The following SYNJ2 variants were observed in gnomAD, a reference collection of about 807,000 sequenced individuals.
SYNJ2 encodes the protein polyphosphatidylinositol phosphatase SYNJ2.
A neutral mutation model predicts 141.3 loss-of-function variants in SYNJ2; 116 were observed. The ratio of observed to expected loss-of-function variants is 0.82; its 90% confidence interval spans 0.71 to 0.96. The LOEUF is 0.96. SYNJ2 is among the 40% of genes least tolerant of loss of function. The pLI is 0.00. For synonymous variants in SYNJ2, 745 were observed against 777.7 expected, an observed-to-expected ratio of 0.96 and a Z score of 0.70; for missense variants, 1,873 against 1,934.8, an observed-to-expected ratio of 0.97 and a Z score of 0.60.
chr6:158,054,399 G>C (rs1236566949), intron 5 of SYNJ2, among the ~76,000 whole-genome samples: 1 of 152,178 alleles, frequency 6.6e-6, no homozygotes, highest in Non-Finnish European at 1.5e-5. Flanking sequence ...CATACAGTTT[G>C]ATGTTCAGAT....
intron 8 of SYNJ2, among the ~76,000 whole-genome samples, chr6:158,063,072 C>T (rs1781323451): frequency 6.6e-6 from 1 of 152,080 alleles, no homozygotes. Context: ...TATATGGAAA[C>T]ATACATAAAA....
In SYNJ2 at chr6:158,046,553, C is replaced by T. The variant is rs549753654; in HGVS notation, c.795+3154C>T. Among the ~76,000 whole-genome samples the T allele has an allele frequency of 4.6e-5, 7 of 152,234 alleles. No homozygotes were observed. The East Asian group carries it at 1.2e-3, about 25-fold the overall frequency. ...CAAAGATTTTGGGGTGAGTAGCTTG[C>T]GTATTAAGCTGCAATGCTGTCCCTC... On this transcript the variant is annotated intron_variant, in intron 5 of 26. Coordinates refer to ENST00000355585, the MANE Select transcript of SYNJ2 (RefSeq NM_003898.4).
intron 26 of SYNJ2, chr6:158,093,904 G>A (rs768860844): frequency 3.9e-6 from 3 of 764,616 alleles, no homozygotes; most frequent in African/African-American, 1.7e-5. Flanking sequence ...TTTTGCTCTC[G>A]CTCTCAAGCT....
At position 158,097,525 on chromosome 6, in the gene SYNJ2, A is replaced by G. The variant is rs1453852987; in HGVS notation, c.*1161A>G. On this transcript the variant is annotated 3_prime_UTR_variant, in exon 27 of 27. Coordinates refer to ENST00000355585, the MANE Select transcript of SYNJ2 (RefSeq NM_003898.4). ...GCAGATACCGTGTTTTCGCTATTTAATAAGAAGTTCAGTAGTGAAATCTTA... is the reference window on the plus strand; with the variant it reads ...GCAGATACCGTGTTTTCGCTATTTAGTAAGAAGTTCAGTAGTGAAATCTTA... 2.0e-5 allele frequency: 3 copies of G among 152,248 alleles called. No homozygotes were observed. The highest frequency in any genetic ancestry group is 7.2e-5 in the African/African-American group (3 of 41,454). The allele number at this position is 152,248 out of a possible 1,614,324, so 9.4% of individuals were successfully genotyped here. A position where few individuals can be genotyped will look rare whatever the true frequency, so the allele number is the denominator to read the frequency against.
In SYNJ2 at chr6:158,063,677, A is replaced by AC. The variant is rs1395104987; in HGVS notation, c.1128-114_1128-113insC. On this transcript the variant is annotated intron_variant, in intron 8 of 26. Coordinates refer to ENST00000355585, the MANE Select transcript of SYNJ2 (RefSeq NM_003898.4). ...TCTGTCTCAAAAAAAAAAAAAAAAA[A>AC]AAAAAAAAAACCATGTTTCCTTGGG... 7 of 637,984 alleles carry AC rather than the reference A, an allele frequency of 1.1e-5. No individual in the cohort carries two copies. The East Asian group carries it at 2.6e-4, about 23-fold the overall frequency. 39.5% of individuals were successfully genotyped at this position (637,984 alleles called of 1,614,324 possible). A position where few individuals can be genotyped will look rare whatever the true frequency, so the allele number is the denominator to read the frequency against.
At chr6:158,011,619 G>A (rs146092091) in intron 1 of SYNJ2, among the ~76,000 whole-genome samples, 299 of 152,222 alleles carry the variant, frequency 2.0e-3, no homozygotes, top group African/African-American at 7.0e-3. Flanking sequence ...CCCAGTGGCC[G>A]GGATGTGAAG....
intron 1 of SYNJ2, among the ~76,000 whole-genome samples, chr6:158,003,776 C>T (rs1382746835): frequency 1.3e-5 from 2 of 152,150 alleles, no homozygotes; most frequent in Admixed American, 1.3e-4. Flanking sequence ...CCACTGAGAC[C>T]AGCCTCTGCC....
chr6:158,005,229 A>C (rs1461358544), intron 1 of SYNJ2, among the ~76,000 whole-genome samples: 8 of 151,810 alleles, frequency 5.3e-5, no homozygotes, highest in Non-Finnish European at 7.4e-5. Context: ...AGGTGCCCGC[A>C]ACGACGCCCG....
intron 1 of SYNJ2, among the ~76,000 whole-genome samples, chr6:158,007,706 G>A (rs2128323346): frequency 6.6e-6 from 1 of 152,254 alleles, no homozygotes; most frequent in South Asian, 2.1e-4. Flanking sequence ...GCAGTGGCGT[G>A]ACCATGGCTC....
chr6:157,983,831 A>T (rs564858454), intron 1 of SYNJ2, among the ~76,000 whole-genome samples: 145 of 144,742 alleles, frequency 1.0e-3, no homozygotes, highest in African/African-American at 2.9e-3. Flanking sequence ...TTAAAAAAAA[A>T]TTTTTTTTTT....
At chr6:158,005,846 T>A (rs1434402722) in intron 1 of SYNJ2, among the ~76,000 whole-genome samples, 2 of 152,134 alleles carry the variant, frequency 1.3e-5, no homozygotes, top group Non-Finnish European at 2.9e-5. Context: ...GAATTCCCGC[T>A]GGCTCCCTGC....
At chr6:158,074,450 A>T in intron 15 of SYNJ2, 130 bp from the exon 16 acceptor site, 1 of 968,520 alleles carries the variant, frequency 1.0e-6, no homozygotes, top group Non-Finnish European at 1.5e-6. Context: ...GCTCTAGTAG[A>T]AAACTTTCTT....
In SYNJ2 at chr6:158,033,511, T is replaced by C. The variant is rs761211857; in HGVS notation, c.542T>C (p.Leu181Pro). 6 of 1,614,254 alleles carry C rather than the reference T, an allele frequency of 3.7e-6. No individual in the cohort carries two copies. The Admixed American group carries it at 1.0e-4, about 27-fold the overall frequency. Reference sequence around the variant, plus strand: ...CACCAGGTGAGCTGCTGTGACTGGCTGCTGAAGATCATCTGCGGGGTGGTC... The same window carrying C: ...CACCAGGTGAGCTGCTGTGACTGGCCGCTGAAGATCATCTGCGGGGTGGTC... ...RQHQVSCCDW[L>P]LKIICGVVTI... Residue 181 changes from leucine to proline, a missense_variant, in exon 4 of 27, where the codon CTG becomes CCG. Transcript: ENST00000355585.
intron 1 of SYNJ2, among the ~76,000 whole-genome samples, chr6:157,994,151 ACTGT>A (rs1162745523): frequency 6.6e-6 from 1 of 151,842 alleles, no homozygotes; most frequent in East Asian, 1.9e-4. Context: ...GTCTGTTTAA[ACTGT>A]CTGTTTTATA....
chr6:158,090,553 T>G (rs894703003), intron 25 of SYNJ2, among the ~76,000 whole-genome samples: 8 of 148,780 alleles, frequency 5.4e-5, no homozygotes, highest in South Asian at 2.2e-4. Context: ...TTTTTTTTTT[T>G]TTTTTTTTTG....
intron 26 of SYNJ2, among the ~76,000 whole-genome samples, chr6:158,093,516 TCATGAGTCCCAGACA>T (rs1161003908): frequency 1.3e-5 from 2 of 152,148 alleles, no homozygotes; most frequent in Non-Finnish European, 2.9e-5. Context: ...ATCCTCACGT[TCATGAGTCCCAGACA>T]CAGGTGTGTC....
At chr6:158,085,395 G>A (rs949010206) in intron 22 of SYNJ2, among the ~76,000 whole-genome samples, 2 of 152,136 alleles carry the variant, frequency 1.3e-5, no homozygotes, top group Non-Finnish European at 2.9e-5. Context: ...ATATTTCAGT[G>A]TCAGCTACAT....
Position 158,096,354 on chromosome 6 carries a change from C to A in SYNJ2, c.4481C>A (p.Ala1494Glu), listed in dbSNP as rs781324202. Residue 1494 changes from alanine to glutamate, a missense_variant, in exon 27 of 27, where the codon GCA (alanine) becomes GAA (glutamate). Transcript: ENST00000355585. ...GCACTGCAGGTGTTTGACCCACTGG[C>A]AAAAACATGACTGAGCAGCTTTGAA... is the stretch of plus-strand genomic sequence containing the variant. ...RTALQVFDPLAKT is the reference protein window; with the variant it reads ...RTALQVFDPLEKT 6.9e-6 allele frequency: 11 copies of A among 1,603,026 alleles called. No individual in the cohort carries two copies. Among genetic ancestry groups the A allele is most frequent in the Non-Finnish European group, 8.5e-6 (10 of 1,176,192 alleles).
intron 5 of SYNJ2, among the ~76,000 whole-genome samples, chr6:158,047,503 A>T (rs909465178): frequency 6.6e-5 from 10 of 152,132 alleles, no homozygotes; most frequent in Non-Finnish European, 1.2e-4. Context: ...TTGGCTGGGC[A>T]TGGGGGCTCA....
Sources: gnomAD v4.1 joint callset for allele counts (sites outside exome capture counted in the v4.1 genomes callset) on GRCh38, gnomAD v4.1.1 for gene constraint, MANE v1.5 for transcripts, NCBI Gene and HGNC (gene_info 2026-07-23, HGNC 2026-07-21) for gene names.